The following PTER variants were observed in gnomAD, a reference collection of about 807,000 sequenced individuals.
The protein encoded by PTER is phosphotriesterase related.
In PTER, 38 loss-of-function variants were observed where a neutral mutation model predicts 29.6. That is an observed-to-expected ratio of 1.28 (90% CI 0.99 to 1.68). PTER has a LOEUF of 1.68. Ranked by LOEUF, PTER falls within the 40% of genes most tolerant of loss-of-function variation. PTER has a pLI of 0.00. For synonymous variants in PTER, 172 were observed against 154.5 expected (o/e 1.11, Z -0.84); for missense variants, 482 against 427.8 (o/e 1.13, Z -1.12).
intron 3 of PTER, among the ~76,000 whole-genome samples, chr10:16,501,868 A>G (rs1836362600): frequency 6.6e-6 from 1 of 152,224 alleles, no homozygotes; most frequent in Admixed American, 6.5e-5. Flanking sequence ...CAGAATTGAG[A>G]GCTGCTGGGA....
intron 3 of PTER, among the ~76,000 whole-genome samples, chr10:16,500,380 A>G (rs1488170482): frequency 6.6e-6 from 1 of 151,868 alleles, no homozygotes; most frequent in East Asian, 2.0e-4. Context: ...CTCCTGAGCA[A>G]CTGGGACCAC....
chr10:16,451,391 A>G (rs1399847950), intron 1 of PTER, among the ~76,000 whole-genome samples: 1 of 152,162 alleles, frequency 6.6e-6, no homozygotes. Flanking sequence ...CTCAATATTA[A>G]CCATCACAAG....
chr10:16,474,129 G>A (rs1411529181), intron 1 of PTER, among the ~76,000 whole-genome samples: 1 of 152,162 alleles, frequency 6.6e-6, no homozygotes, highest in East Asian at 1.9e-4. Context: ...AGGCAGGAAA[G>A]TTGTTTGAAC....
At chr10:16,452,711 C>T (rs1288965140) in intron 1 of PTER, among the ~76,000 whole-genome samples, 1 of 151,230 alleles carries the variant, frequency 6.6e-6, no homozygotes. Context: ...CTTCCTTTTC[C>T]TCTTCCTCTT....
chr10:16,490,570 C>T (rs1481770614), intron 3 of PTER, among the ~76,000 whole-genome samples: 2 of 151,940 alleles, frequency 1.3e-5, no homozygotes, highest in East Asian at 1.9e-4. Flanking sequence ...GTCTCTGTCC[C>T]GCGAGCAAGT....
chr10:16,488,755 C>T (rs1009800179), intron 3 of PTER, among the ~76,000 whole-genome samples: 2 of 152,072 alleles, frequency 1.3e-5, no homozygotes, highest in Non-Finnish European at 2.9e-5. Flanking sequence ...AGGCATGTGC[C>T]TCCACACCTG....
At chr10:16,514,490 T>TG, downstream of PTER, 1 of 1,564,416 alleles carries the variant, frequency 6.4e-7, no homozygotes, top group Non-Finnish European at 8.8e-7. Flanking sequence ...ACGAATCCAG[T>TG]GTTCAAACTC....
intron 1 of PTER, among the ~76,000 whole-genome samples, chr10:16,458,936 C>T (rs1834507677): frequency 6.6e-6 from 1 of 152,116 alleles, no homozygotes; most frequent in African/African-American, 2.4e-5. Flanking sequence ...ACAATTTTTT[C>T]CATGAATAAT....
At chr10:16,517,939 T>C (rs1836979154), downstream of PTER, among the ~76,000 whole-genome samples, 1 of 152,218 alleles carries the variant, frequency 6.6e-6, no homozygotes, top group South Asian at 2.1e-4. Flanking sequence ...AAAGTATAAA[T>C]AAAATGGCTC....
chr10:16,514,773 C>G (rs1836922718), downstream of PTER: 1 of 1,204,248 alleles, frequency 8.3e-7, no homozygotes, highest in Non-Finnish European at 1.2e-6. Context: ...TTTTGCCATT[C>G]ATGTAGCATC....
At chr10:16,438,130 T>G (rs1833717447) in intron 1 of PTER, among the ~76,000 whole-genome samples, 1 of 151,776 alleles carries the variant, frequency 6.6e-6, no homozygotes, top group African/African-American at 2.4e-5. Flanking sequence ...CTCAGCCTTC[T>G]GAGTGGCTGG....
intron 1 of PTER, among the ~76,000 whole-genome samples, chr10:16,438,425 G>A (rs1833730451): frequency 6.6e-6 from 1 of 151,426 alleles, no homozygotes. Context: ...GTCTCCCACA[G>A]GTGCACACCA....
At chr10:16,501,364 CACACAT>C (rs71374693) in intron 3 of PTER, among the ~76,000 whole-genome samples, 6,310 of 83,214 alleles carry the variant, frequency 0.076, 151 homozygotes, top group East Asian at 0.22. Flanking sequence ...CACACACACA[CACACAT>C]GCACACACAC....
At chr10:16,477,913 G>C (rs11818717) in intron 1 of PTER, among the ~76,000 whole-genome samples, 1 of 152,190 alleles carries the variant, frequency 6.6e-6, no homozygotes, top group Admixed American at 6.5e-5. Flanking sequence ...AAGTATCACT[G>C]TTTCTGGGAG....
chr10:16,448,496 C>T (rs999580193), intron 1 of PTER, among the ~76,000 whole-genome samples: 7 of 152,190 alleles, frequency 4.6e-5, no homozygotes, highest in African/African-American at 1.4e-4. Flanking sequence ...CCAAATGCAG[C>T]GACTTGTCCT....
At chr10:16,518,806 CAATT>C in the PTER span, among the ~76,000 whole-genome samples, 2 of 152,036 alleles carry the variant, frequency 1.3e-5, no homozygotes, top group African/African-American at 2.4e-5. Context: ...AGAAGAGAGC[CAATT>C]TGCAAATAAA....
At chr10:16,440,458 C>G (rs1029653655) in intron 1 of PTER, among the ~76,000 whole-genome samples, 1 of 152,170 alleles carries the variant, frequency 6.6e-6, no homozygotes, top group African/African-American at 2.4e-5. Flanking sequence ...TTCCATTTGG[C>G]ATAAACTGGC....
At chr10:16,479,888 A>T (rs1057345640) in intron 1 of PTER, among the ~76,000 whole-genome samples, 1 of 150,954 alleles carries the variant, frequency 6.6e-6, no homozygotes, top group Non-Finnish European at 1.5e-5. Context: ...TCTGCAAAAA[A>T]CCCTGAGATG....
intron 1 of PTER, among the ~76,000 whole-genome samples, chr10:16,455,139 G>T (rs1341625288): frequency 6.6e-6 from 1 of 152,098 alleles, no homozygotes; most frequent in East Asian, 1.9e-4. Context: ...TGCAGTGGGA[G>T]GATCACTTGA....
Sources: gnomAD v4.1 joint callset for allele counts (sites outside exome capture counted in the v4.1 genomes callset) on GRCh38, gnomAD v4.1.1 for gene constraint, MANE v1.5 for transcripts, NCBI Gene and HGNC (gene_info 2026-07-23, HGNC 2026-07-21) for gene names.